Variants in TAFA2 observed in about 807,000 individuals in gnomAD.
TAFA2 encodes TAFA chemokine like family member 2.
In TAFA2, 7 loss-of-function variants were observed where a neutral mutation model predicts 18.8. The ratio of observed to expected loss-of-function variants is 0.37; its 90% CI spans 0.21 to 0.70. The LOEUF (loss-of-function observed/expected upper bound fraction) is 0.70. Ranked by LOEUF, TAFA2 falls within the 30% of genes least tolerant of loss-of-function variation. TAFA2 has a pLI of 0.53. For synonymous variants in TAFA2, 60 were observed against 54.2 expected (o/e 1.11, Z -0.47); for missense variants, 122 against 158.1 (o/e 0.77, Z 1.23).
Position 62,166,996 on chromosome 12 carries a change from T to C in TAFA2, c.-2+24263A>G, listed in dbSNP as rs1456038226. ...TGCTACATGCACAAATGAAGTGCCA[T>C]GCAGCTGTAAAAAAATGACTTAGCG... On this transcript the variant is annotated intron_variant, in intron 1 of 4. Transcript: ENST00000416284. Among the ~76,000 whole-genome samples the C allele has an allele frequency of 3.9e-5, 6 of 151,958 alleles. 1 individual carries two copies. Among genetic ancestry groups the C allele is most frequent in the African/African-American group, 1.5e-4 (6 of 41,358 alleles).
intron 1 of TAFA2, among the ~76,000 whole-genome samples, chr12:62,097,234 T>G (rs1868991206): frequency 6.6e-6 from 1 of 152,118 alleles, no homozygotes; most frequent in Non-Finnish European, 1.5e-5. Context: ...GCATTAGAAC[T>G]TGCAGTAATA....
At chr12:61,880,594 C>T in intron 1 of TAFA2, 1 of 448,144 alleles carries the variant, frequency 2.2e-6, no homozygotes, top group South Asian at 1.7e-5. Flanking sequence ...GAGGGCTGAG[C>T]TCGGCCTATG....
At chr12:61,786,449 C>T (rs1054323121) in intron 2 of TAFA2, among the ~76,000 whole-genome samples, 6 of 151,426 alleles carry the variant, frequency 4.0e-5, no homozygotes, top group East Asian at 1.9e-4. Flanking sequence ...TGACCAGCCA[C>T]GCACAGAGGT....
At chr12:62,111,936 T>C (rs1382131002) in intron 1 of TAFA2, among the ~76,000 whole-genome samples, 1 of 152,204 alleles carries the variant, frequency 6.6e-6, no homozygotes, top group Non-Finnish European at 1.5e-5. Context: ...CTTGACTCTT[T>C]ATCCAATTTG....
chr12:62,206,728 T>G (rs2062693056), intron 1 of TAFA2, among the ~76,000 whole-genome samples: 2 of 152,186 alleles, frequency 1.3e-5, no homozygotes, highest in African/African-American at 4.8e-5. Context: ...TCCTCCCACC[T>G]TGGCCTCCCA....
At chr12:61,787,293 T>G (rs1870780385) in intron 2 of TAFA2, among the ~76,000 whole-genome samples, 1 of 151,590 alleles carries the variant, frequency 6.6e-6, no homozygotes, top group Non-Finnish European at 1.5e-5. Context: ...CAGACTGATC[T>G]TACAAGAAAT....
intron 1 of TAFA2, among the ~76,000 whole-genome samples, chr12:62,148,608 G>A (rs2062304492): frequency 6.6e-6 from 1 of 152,056 alleles, no homozygotes; most frequent in African/African-American, 2.4e-5. Context: ...TTCACTACTT[G>A]GGCAACAGGA....
intron 1 of TAFA2, among the ~76,000 whole-genome samples, chr12:62,167,191 A>G (rs1317695638): frequency 2.6e-5 from 4 of 152,204 alleles, no homozygotes; most frequent in Non-Finnish European, 5.9e-5. Context: ...AAATTTCTAA[A>G]GTTACTTATA....
At chr12:61,954,235 A>C (rs979957825) in intron 1 of TAFA2, among the ~76,000 whole-genome samples, 2 of 152,136 alleles carry the variant, frequency 1.3e-5, no homozygotes, top group Non-Finnish European at 2.9e-5. Context: ...TTTGACTTGG[A>C]TTTATATAGA....
At chr12:62,239,753 C>T (rs565743198) in intron 1 of TAFA2, among the ~76,000 whole-genome samples, 9 of 152,260 alleles carry the variant, frequency 5.9e-5, no homozygotes, top group Non-Finnish European at 7.4e-5. Flanking sequence ...GATATGTGAC[C>T]GAGTGAGTCT....
chr12:61,843,096 C>T (rs2121131494), intron 2 of TAFA2, among the ~76,000 whole-genome samples: 1 of 152,082 alleles, frequency 6.6e-6, no homozygotes, highest in South Asian at 2.1e-4. Flanking sequence ...AGAAAATGTT[C>T]AGTAGGCCTT....
chr12:62,246,364 T>C (rs1333508399), intron 1 of TAFA2, among the ~76,000 whole-genome samples: 1 of 152,250 alleles, frequency 6.6e-6, no homozygotes, highest in Non-Finnish European at 1.5e-5. Context: ...TTTGGTTTAG[T>C]TTTCAAGGTG....
chr12:62,140,311 C>T (rs1458844971), intron 1 of TAFA2: 1 of 152,320 alleles, frequency 6.6e-6, no homozygotes, highest in East Asian at 1.9e-4. Context: ...CAAAGAAGAA[C>T]TTCTCCTGTC....
At chr12:61,784,694 C>T (rs901391369) in intron 2 of TAFA2, among the ~76,000 whole-genome samples, 14 of 50,978 alleles carry the variant, frequency 2.7e-4, no homozygotes, top group African/African-American at 1.0e-3. Flanking sequence ...TATCTCCCTC[C>T]CATTTTTCAA....
At chr12:61,869,307 GATA>G (rs1418330064) in intron 1 of TAFA2, among the ~76,000 whole-genome samples, 1 of 152,166 alleles carries the variant, frequency 6.6e-6, no homozygotes, top group Non-Finnish European at 1.5e-5. Context: ...GTAAGACGAA[GATA>G]ATAATATGTA....
chr12:62,090,940 C>T (rs969315627), intron 1 of TAFA2, among the ~76,000 whole-genome samples: 8 of 151,924 alleles, frequency 5.3e-5, no homozygotes, highest in Non-Finnish European at 1.0e-4. Context: ...GAGTTTTTAC[C>T]TCATATATAC....
intron 1 of TAFA2, among the ~76,000 whole-genome samples, chr12:62,152,880 A>C (rs953206328): frequency 3.3e-5 from 5 of 152,202 alleles, no homozygotes; most frequent in African/African-American, 9.6e-5. Flanking sequence ...GCTATAGGAC[A>C]AAAAGCTGCC....
intron 1 of TAFA2, among the ~76,000 whole-genome samples, chr12:61,941,968 G>C (rs1878044900): frequency 1.3e-5 from 2 of 152,134 alleles, no homozygotes; most frequent in South Asian, 4.1e-4. Context: ...AAGGAGGCCT[G>C]CCTGCCTCTG....
intron 1 of TAFA2, among the ~76,000 whole-genome samples, chr12:61,967,366 G>A (rs1879103638): frequency 6.6e-6 from 1 of 151,790 alleles, no homozygotes; most frequent in Non-Finnish European, 1.5e-5. Context: ...CTATAGCAGA[G>A]CAAGGTCAAA....
Sources: allele counts gnomAD v4.1 joint callset (sites outside exome capture counted in the v4.1 genomes callset), GRCh38; gene constraint gnomAD v4.1.1; transcripts MANE v1.5; gene names NCBI Gene and HGNC (gene_info 2026-07-23, HGNC 2026-07-21).